The following MARCHF1 variants were observed in gnomAD, a reference collection of about 807,000 sequenced individuals.
MARCHF1 encodes membrane associated ring-CH-type finger 1, also known as E3 ubiquitin-protein ligase MARCHF1.
In MARCHF1, 40 loss-of-function variants were observed where a neutral mutation model predicts 54.2. That is an observed-to-expected ratio of 0.74 (90% CI 0.57 to 0.96). MARCHF1 has a LOEUF of 0.96. MARCHF1 is among the 40% of genes least tolerant of loss of function. MARCHF1 has a pLI of 0.00. For synonymous variants in MARCHF1, 236 were observed against 236.3 expected, an observed-to-expected ratio of 1.00 and a Z score of 0.01; for missense variants, 586 against 656.5, an observed-to-expected ratio of 0.89 and a Z score of 1.17.
intron 2 of MARCHF1, among the ~76,000 whole-genome samples, chr4:164,028,189 G>C (rs888514487): frequency 1.3e-5 from 2 of 152,140 alleles, no homozygotes; most frequent in Admixed American, 1.3e-4. Context: ...TTAAAACAGA[G>C]CTACAATTTG....
intron 7 of MARCHF1, among the ~76,000 whole-genome samples, chr4:163,607,524 C>T (rs1174595576): frequency 6.6e-6 from 1 of 151,988 alleles, no homozygotes; most frequent in Non-Finnish European, 1.5e-5. Context: ...CATTTGAGTT[C>T]CTGGTAGAGG....
chr4:164,290,911 A>C (rs1362018226), intron 1 of MARCHF1, among the ~76,000 whole-genome samples: 1 of 151,954 alleles, frequency 6.6e-6, no homozygotes, highest in Non-Finnish European at 1.5e-5. Context: ...AAGTAACTAT[A>C]GTTACAAATA....
At position 163,724,748 on chromosome 4, in the gene MARCHF1, G is replaced by C. The variant is rs199954496; in HGVS notation, c.112-23885C>G. 8.5e-5 allele frequency among the ~76,000 whole-genome samples: 13 copies of C among 152,276 alleles called. No homozygotes were observed. The East Asian group carries it at 2.5e-3, about 29-fold the overall frequency. ...CAGCCTCGCTGCCACCTTGCAGTTT[G>C]ATCTCAGACTGCTGTGCTAGCAATG... On this transcript the variant is annotated intron_variant, in intron 4 of 9. Transcript: ENST00000514618.
intron 5 of MARCHF1, among the ~76,000 whole-genome samples, chr4:163,632,612 G>C (rs955631447): frequency 2.0e-5 from 3 of 152,162 alleles, no homozygotes; most frequent in Non-Finnish European, 2.9e-5. Context: ...ACGGAGTCTC[G>C]CTGATTGTTA....
intron 9 of MARCHF1, among the ~76,000 whole-genome samples, chr4:163,532,331 G>A (rs1190071265): frequency 6.6e-6 from 1 of 151,884 alleles, no homozygotes; most frequent in African/African-American, 2.4e-5. Context: ...CAATTCAATG[G>A]AGAAGGGATA....
intron 3 of MARCHF1, among the ~76,000 whole-genome samples, chr4:163,868,252 A>G (rs1174497828): frequency 6.6e-6 from 1 of 152,012 alleles, no homozygotes; most frequent in East Asian, 1.9e-4. Context: ...TTTGTCATAA[A>G]TTAATGAGAA....
intron 1 of MARCHF1, among the ~76,000 whole-genome samples, chr4:164,156,939 T>G (rs1027970405): frequency 1.4e-4 from 21 of 152,188 alleles, no homozygotes; most frequent in South Asian, 2.1e-4. Flanking sequence ...TAATTGAGAT[T>G]TGTTCATGCG....
chr4:164,117,401 C>T (rs1187606937), intron 1 of MARCHF1, among the ~76,000 whole-genome samples: 2 of 151,994 alleles, frequency 1.3e-5, no homozygotes, highest in Admixed American at 6.5e-5. Context: ...TACCTAGGAA[C>T]ATTTTAAAAG....
intron 2 of MARCHF1, among the ~76,000 whole-genome samples, chr4:164,081,207 C>CAAAAAAAAAAAAAAAAA (rs60753810): frequency 1.1e-4 from 2 of 18,406 alleles, no homozygotes; most frequent in African/African-American, 1.8e-4. Flanking sequence ...GACGCTGTCT[C>CAAAAAAAAAAAAAAAAA]AAAAAAAAAA....
At chr4:164,375,446 TA>T (rs1229787677) in intron 1 of MARCHF1, among the ~76,000 whole-genome samples, 1 of 152,138 alleles carries the variant, frequency 6.6e-6, no homozygotes, top group East Asian at 1.9e-4. Flanking sequence ...CATTGAGTAA[TA>T]AATAAATAAA....
chr4:164,120,409 C>T (rs1451938135), intron 1 of MARCHF1, among the ~76,000 whole-genome samples: 1 of 152,154 alleles, frequency 6.6e-6, no homozygotes, highest in Non-Finnish European at 1.5e-5. Flanking sequence ...AACCCACTTT[C>T]TGCACTGACC....
chr4:163,986,497 C>G (rs1272262600), intron 3 of MARCHF1, among the ~76,000 whole-genome samples: 1 of 151,746 alleles, frequency 6.6e-6, no homozygotes, highest in African/African-American at 2.4e-5. Flanking sequence ...GATCTCCTGA[C>G]CTTGTGATCC....
At chr4:164,027,594 T>C (rs1753798652) in intron 2 of MARCHF1, among the ~76,000 whole-genome samples, 1 of 151,952 alleles carries the variant, frequency 6.6e-6, no homozygotes, top group African/African-American at 2.4e-5. Flanking sequence ...TATATAAAAA[T>C]TAACTCAAGA....
intron 4 of MARCHF1, among the ~76,000 whole-genome samples, chr4:163,804,284 C>T (rs1175878873): frequency 2.6e-5 from 4 of 152,196 alleles, no homozygotes; most frequent in Admixed American, 2.6e-4. Context: ...CCAAATACCT[C>T]CATTTTTGAG....
At chr4:163,814,270 G>A (rs1215441362) in intron 4 of MARCHF1, among the ~76,000 whole-genome samples, 1 of 152,138 alleles carries the variant, frequency 6.6e-6, no homozygotes, top group Non-Finnish European at 1.5e-5. Flanking sequence ...GGCCTTCGCA[G>A]TCTCCATACT....
At chr4:163,686,841 A>G (rs1397146619) in intron 5 of MARCHF1, among the ~76,000 whole-genome samples, 1 of 152,198 alleles carries the variant, frequency 6.6e-6, no homozygotes, top group Non-Finnish European at 1.5e-5. Flanking sequence ...TAACCAAATG[A>G]AATATTTGTA....
At chr4:163,620,646 GAC>G (rs1343191691) in intron 5 of MARCHF1, among the ~76,000 whole-genome samples, 46 of 132,572 alleles carry the variant, frequency 3.5e-4, no homozygotes, top group Non-Finnish European at 7.1e-4. Context: ...GAGAGAGAGA[GAC>G]ACGCACACAC....
chr4:164,293,886 G>A (rs1451483229), intron 1 of MARCHF1, among the ~76,000 whole-genome samples: 1 of 152,146 alleles, frequency 6.6e-6, no homozygotes, highest in African/African-American at 2.4e-5. Context: ...TCATTCCTGG[G>A]TGTGTCTGTG....
chr4:163,930,342 C>T (rs983102307), intron 3 of MARCHF1, among the ~76,000 whole-genome samples: 2 of 151,924 alleles, frequency 1.3e-5, no homozygotes, highest in South Asian at 2.1e-4. Context: ...CAGATCATTG[C>T]TGATACCTCA....
Sources: allele counts gnomAD v4.1 joint callset (sites outside exome capture counted in the v4.1 genomes callset), GRCh38; gene constraint gnomAD v4.1.1; transcripts MANE v1.5; gene names NCBI Gene and HGNC (gene_info 2026-07-23, HGNC 2026-07-21).